Variants in OMA1 observed in about 807,000 individuals in gnomAD.
OMA1 encodes metalloendopeptidase OMA1, mitochondrial.
OMA1 carries 38 observed loss-of-function variants against 30.9 expected under a neutral mutation model. The ratio of observed to expected loss-of-function variants is 1.23; its 90% CI spans 0.95 to 1.61. The LOEUF (loss-of-function observed/expected upper bound fraction) is 1.61, where lower values mean the gene tolerates loss of function less well. OMA1 is among the 40% of genes most tolerant of loss of function. OMA1 has a pLI of 0.00. For synonymous variants in OMA1, 173 were observed against 121.9 expected (o/e 1.42, Z -2.76); for missense variants, 461 against 349.2 (o/e 1.32, Z -2.55).
chr1:58,512,308 T>C (rs1195762205), intron 7 of OMA1, among the ~76,000 whole-genome samples: 3 of 152,138 alleles, frequency 2.0e-5, no homozygotes, highest in African/African-American at 4.8e-5. Flanking sequence ...AGTGAGAACA[T>C]AAAATGGTGT....
At chr1:58,483,821 T>C (rs1401028656) in intron 8 of OMA1, among the ~76,000 whole-genome samples, 1 of 152,236 alleles carries the variant, frequency 6.6e-6, no homozygotes, top group South Asian at 2.1e-4. Context: ...ACGGTCACTC[T>C]TGCATTAGTT....
In OMA1 at chr1:58,506,002, C is replaced by A. The variant is rs1034184616; in HGVS notation, c.1365+58G>T. On this transcript the variant is annotated intron_variant, in intron 8 of 8. Transcript: ENST00000371226. ...TTTTACTAAGCAAAAGAAGTGACAG[C>A]ATTAAAAATAAATGATACAGTAAAA... The A allele has an allele frequency of 3.4e-5, 27 of 782,644 alleles. No homozygotes were observed. In the South Asian group the frequency reaches 4.4e-4, roughly 13 times the overall value. 48.5% of individuals were successfully genotyped at this position (782,644 alleles called of 1,614,324 possible).
At chr1:58,513,145 A>G (rs1019026715) in intron 7 of OMA1, among the ~76,000 whole-genome samples, 2 of 152,118 alleles carry the variant, frequency 1.3e-5, no homozygotes, top group Non-Finnish European at 2.9e-5. Flanking sequence ...GGATCATGAC[A>G]GCAGTTCCCC....
intron 6 of OMA1, among the ~76,000 whole-genome samples, chr1:58,529,690 C>T (rs1371274807): frequency 2.6e-5 from 4 of 152,150 alleles, no homozygotes; most frequent in Non-Finnish European, 2.9e-5. Context: ...GTGGATTATG[C>T]ACCTGGTAGA....
intron 8 of OMA1, among the ~76,000 whole-genome samples, chr1:58,486,047 A>G (rs1645570971): frequency 6.6e-6 from 1 of 152,220 alleles, no homozygotes; most frequent in Non-Finnish European, 1.5e-5. Flanking sequence ...ACTAACATCT[A>G]CTGTTCACTT....
chr1:58,514,160 T>C (rs1293345254), intron 7 of OMA1, among the ~76,000 whole-genome samples: 2 of 152,154 alleles, frequency 1.3e-5, no homozygotes, highest in African/African-American at 4.8e-5. Flanking sequence ...AGTGATGATG[T>C]CATGAATTTA....
chr1:58,508,378 C>T (rs1403609424), intron 7 of OMA1, among the ~76,000 whole-genome samples: 1 of 152,216 alleles, frequency 6.6e-6, no homozygotes, highest in East Asian at 1.9e-4. Context: ...TCCTTCCCCA[C>T]ATGAACACAC....
chr1:58,512,987 T>C (rs1646104915), intron 7 of OMA1, among the ~76,000 whole-genome samples: 1 of 152,196 alleles, frequency 6.6e-6, no homozygotes, highest in African/African-American at 2.4e-5. Flanking sequence ...AGTCTAATTC[T>C]TTTGCTTCAA....
intron 8 of OMA1, among the ~76,000 whole-genome samples, chr1:58,499,513 G>GATAGATAGATAGATAGATAA (rs1557442584): frequency 2.0e-5 from 3 of 149,396 alleles, no homozygotes; most frequent in Admixed American, 1.3e-4. Flanking sequence ...TAGATAAATA[G>GATAGATAGATAGATAGATAA]ATAGATAGAT....
At chr1:58,488,410 T>A (rs1645614014) in intron 8 of OMA1, among the ~76,000 whole-genome samples, 1 of 152,178 alleles carries the variant, frequency 6.6e-6, no homozygotes, top group African/African-American at 2.4e-5. Context: ...CTTCTGAGAT[T>A]CTGGTACACC....
rs1301663076 is a variant in OMA1, at chr1:58,538,864, G to A, written c.431C>T (p.Ala144Val). ...CATCAACAAGAGAGGAACCGGAGCA[G>A]CTTGAAACCGTGGAGAAGTATGGAA... ...RNFHTSPRFQ[A>V]APVPLLLMIL... Residue 144 changes from alanine (A) to valine (V), a missense_variant, in exon 2 of 9, where the codon GCT becomes GTT. Coordinates refer to ENST00000371226, the MANE Select transcript of OMA1 (RefSeq NM_145243.5). 2.3e-6 allele frequency: 2 copies of A among 872,588 alleles called. No individual in the cohort carries two copies. The highest frequency in any genetic ancestry group is 4.0e-6 in the Non-Finnish European group (2 of 501,542). The allele number at this position is 872,588 out of a possible 1,614,324, so 54.1% of individuals were successfully genotyped here. A position where few individuals can be genotyped will look rare whatever the true frequency, so the allele number is the denominator to read the frequency against.
At chr1:58,518,476 T>C (rs1438999258) in intron 7 of OMA1, among the ~76,000 whole-genome samples, 1 of 151,818 alleles carries the variant, frequency 6.6e-6, no homozygotes, top group Admixed American at 6.6e-5. Flanking sequence ...GGAGTAGGAC[T>C]GGAGTCAATG....
intron 7 of OMA1, among the ~76,000 whole-genome samples, chr1:58,521,921 T>C (rs1646271048): frequency 6.6e-6 from 1 of 152,172 alleles, no homozygotes; most frequent in Non-Finnish European, 1.5e-5. Context: ...GAGGCCAGCA[T>C]AACTTTGATT....
At chr1:58,533,668 T>C (rs1453432643) in intron 5 of OMA1, among the ~76,000 whole-genome samples, 4 of 152,176 alleles carry the variant, frequency 2.6e-5, no homozygotes, top group Non-Finnish European at 4.4e-5. Context: ...GTTTAAAATT[T>C]AATTTGAAAT....
At chr1:58,493,830 T>C (rs1285215548) in intron 8 of OMA1, among the ~76,000 whole-genome samples, 1 of 151,900 alleles carries the variant, frequency 6.6e-6, no homozygotes, top group African/African-American at 2.4e-5. Flanking sequence ...ATGGTGAAAA[T>C]GGCCATACTG....
intron 8 of OMA1, among the ~76,000 whole-genome samples, chr1:58,495,082 T>C (rs1019412576): frequency 8.5e-5 from 13 of 152,162 alleles, no homozygotes; most frequent in Admixed American, 1.3e-4. Flanking sequence ...TGGAATACTA[T>C]GCAGCCATAA....
chr1:58,534,111 G>A, intron 4 of OMA1, 47 bp downstream of exon 4: 2 of 866,602 alleles, frequency 2.3e-6, no homozygotes, highest in East Asian at 2.4e-5. Context: ...TAAAAAATAA[G>A]GACAATAAAT....
intron 1 of OMA1, among the ~76,000 whole-genome samples, chr1:58,541,982 C>T (rs759481216): frequency 2.6e-5 from 4 of 152,100 alleles, no homozygotes; most frequent in Non-Finnish European, 5.9e-5. Context: ...TCAACCTAAG[C>T]TAATACGATA....
chr1:58,505,968 A>G (rs1272057935), intron 8 of OMA1, 92 bp downstream of exon 8: 1 of 703,196 alleles, frequency 1.4e-6, no homozygotes, highest in African/African-American at 1.8e-5. Flanking sequence ...TTAATAGGCT[A>G]GAACTCTCTT....
Sources: gnomAD v4.1 joint callset for allele counts (sites outside exome capture counted in the v4.1 genomes callset) on GRCh38, gnomAD v4.1.1 for gene constraint, MANE v1.5 for transcripts, NCBI Gene and HGNC (gene_info 2026-07-23, HGNC 2026-07-21) for gene names.